Variants in RITA1 observed in about 807,000 individuals in gnomAD.
RITA1 encodes RBPJ interacting and tubulin associated 1, also known as RBPJ-interacting and tubulin-associated protein 1.
In RITA1, 15 loss-of-function variants were observed where a neutral mutation model predicts 8.7. That is an observed-to-expected ratio of 1.72 (90% confidence interval 1.15 to 2.65). The LOEUF is 2.65. Among genes scored for constraint, RITA1 ranks in the 30% most tolerant of loss-of-function variants. The probability of loss-of-function intolerance (pLI) is 0.00; values close to 1 mark genes in which losing one functional copy is unlikely to be tolerated. For missense variants in RITA1, 330 were observed against 363.8 expected (o/e 0.91, Z 0.76); for synonymous variants, 145 against 156.2 (o/e 0.93, Z 0.53).
chr12:113,188,654 T>C (rs1030033267), intron 3 of RITA1, among the ~76,000 whole-genome samples: 2 of 152,006 alleles, frequency 1.3e-5, no homozygotes, highest in Non-Finnish European at 2.9e-5. Context: ...CTCATTTTTT[T>C]TTAATCCTTC....
chr12:113,187,012 C>T lies in RITA1; in HGVS notation c.266C>T (p.Thr89Ile), dbSNP rs1398698044. ...GAGACCACCCCCTCAAGGGGCAGCA[C>T]CCCCACCCTCACACCAAGGAAGAAG... ...SCETTPSRGS[T>I]PTLTPRKKNK... Residue 89 changes from threonine to isoleucine, a missense_variant, in exon 3 of 4, where the codon ACC becomes ATC. Coordinates refer to ENST00000548278, the MANE Select transcript of RITA1 (RefSeq NM_032848.3). 11 of 1,607,514 alleles carry T rather than the reference C, an allele frequency of 6.8e-6. No homozygotes were observed. The East Asian group carries it at 8.9e-5, about 13-fold the overall frequency.
Position 113,185,995 on chromosome 12 carries a change from C to G in RITA1, c.-223C>G. On this transcript the variant is annotated 5_prime_UTR_variant, in exon 1 of 4. Transcript: ENST00000548278. ...GTGCGGGGACGGGTCCCTGAGGATCCCGATGCCTACGAGCCAAGATGCTCA... is the reference window on the plus strand; with the variant it reads ...GTGCGGGGACGGGTCCCTGAGGATCGCGATGCCTACGAGCCAAGATGCTCA... 1.3e-6 allele frequency: 2 copies of G among 1,535,882 alleles called. No individual in the cohort carries two copies. Among genetic ancestry groups the G allele is most frequent in the Non-Finnish European group, 1.7e-6 (2 of 1,146,730 alleles).
rs760372956 is a variant in RITA1, at chr12:113,188,787, C to CTTTTTTTTTTTTT, written c.302+1768_302+1780dup. Among the ~76,000 whole-genome samples, 13 of 73,206 alleles carry CTTTTTTTTTTTTT rather than the reference C, an allele frequency of 1.8e-4. 6 individuals carry two copies. The highest frequency in any genetic ancestry group is 3.4e-4 in the Non-Finnish European group (13 of 38,238). 48.0% of individuals were successfully genotyped at this position (73,206 alleles called of 152,430 possible). ...TATAATGTTATTTAGCCTTAGTTACCTTTTTTTTTTTTTTTTTTTTTTTTT... is the reference window on the plus strand; with the variant it reads ...TATAATGTTATTTAGCCTTAGTTACCTTTTTTTTTTTTTTTTTTTTTTTTTTTTTTTTTTTTTT... On this transcript the variant is annotated intron_variant, in intron 3 of 3. Coordinates refer to ENST00000548278, the MANE Select transcript of RITA1 (RefSeq NM_032848.3).
In RITA1 at chr12:113,191,852, C is replaced by T. The variant is rs16942608; in HGVS notation, c.*35C>T. 5,721 of 1,559,276 alleles carry T rather than the reference C, an allele frequency of 3.7e-3. 189 individuals are homozygous for T. The African/African-American group carries it at 0.07, about 19-fold the overall frequency. Reference sequence around the variant, plus strand: ...ATCAGGGTTGCCTATGGGGCCACGGCGACAGGTATGGCCCCTTGCCAGGGT... The same window carrying T: ...ATCAGGGTTGCCTATGGGGCCACGGTGACAGGTATGGCCCCTTGCCAGGGT... On this transcript the variant is annotated 3_prime_UTR_variant, in exon 4 of 4. Transcript: ENST00000548278. This position sits in a 1 kb window ranked among gnomAD's most constrained non-coding sequence, Gnocchi z 4.0.
chr12:113,191,526 G>A lies in RITA1; in HGVS notation c.519G>A (p.Glu173=), dbSNP rs1452563106. ...ACCCAGCTGGTCCCTCCAAGACAGAGCCGGGGCCAGCGGCAGACTCCCAGA... is the reference window on the plus strand; with the variant it reads ...ACCCAGCTGGTCCCTCCAAGACAGAACCGGGGCCAGCGGCAGACTCCCAGA... ...AIHPAGPSKT[E]PGPAADSQKL... Residue 173 remains glutamate, a synonymous_variant, in exon 4 of 4, where the codon GAG becomes GAA. Transcript: ENST00000548278. This position sits in a 1 kb window ranked among gnomAD's most constrained non-coding sequence, Gnocchi z 4.0. 4 of 1,612,434 alleles carry A rather than the reference G, an allele frequency of 2.5e-6. No individual in the cohort carries two copies. The highest frequency in any genetic ancestry group is 1.3e-5 in the African/African-American group (1 of 74,888).
chr12:113,192,034 A>G lies in RITA1; in HGVS notation c.*217A>G. Reference sequence around the variant, plus strand: ...GATTGCGGATTTGGGGGCCACCTCTAAGATGCCTCTCTCCAGCCCTGTCTC... The same window carrying G: ...GATTGCGGATTTGGGGGCCACCTCTGAGATGCCTCTCTCCAGCCCTGTCTC... On this transcript the variant is annotated 3_prime_UTR_variant, in exon 4 of 4. Transcript: ENST00000548278. The G allele has an allele frequency of 1.6e-6, 1 of 613,054 alleles. No homozygotes were observed. The highest frequency in any genetic ancestry group is 2.7e-6 in the Non-Finnish European group (1 of 365,824). The allele number at this position is 613,054 out of a possible 1,614,324, so 38.0% of individuals were successfully genotyped here.
intron 1 of RITA1, 29 bp downstream of exon 1, chr12:113,186,050 C>A: frequency 6.5e-7 from 1 of 1,536,006 alleles, no homozygotes; most frequent in Non-Finnish European, 8.7e-7. Context: ...AATGCAGGGA[C>A]CTCGGGCACT....
Position 113,191,269 on chromosome 12 carries a change from G to T in RITA1, c.303-41G>T. The T allele has an allele frequency of 6.7e-7, 1 of 1,492,736 alleles. No homozygotes were observed. The highest frequency in any genetic ancestry group is 8.9e-7 in the Non-Finnish European group (1 of 1,125,094). 92.5% of individuals were successfully genotyped at this position (1,492,736 alleles called of 1,614,324 possible). The stretch of plus-strand genomic sequence containing the variant: ...AGAGCTGTTAAAGTTTTGAGGGGTT[G>T]TTCATCCCCCAGCTCATGGCGTTTA... On this transcript the variant is annotated intron_variant, in intron 3 of 3. Coordinates refer to ENST00000548278, the MANE Select transcript of RITA1 (RefSeq NM_032848.3). This position sits in a 1 kb window ranked among gnomAD's most constrained non-coding sequence, Gnocchi z 4.0.
At position 113,185,898 on chromosome 12, in the gene RITA1, A is replaced by G; in HGVS notation, c.-320A>G. On this transcript the variant is annotated 5_prime_UTR_variant, in exon 1 of 4. Coordinates refer to ENST00000548278, the MANE Select transcript of RITA1 (RefSeq NM_032848.3). ...GGGCCCCAGGCATTCCGGGCTGCAG[A>G]TTGACGGGGATCCCGGATGCACCGC... 7.0e-7 allele frequency: 1 copy of G among 1,429,696 alleles called. No homozygotes were observed. The highest frequency in any genetic ancestry group is 1.3e-5 in the South Asian group (1 of 79,764). 88.6% of individuals were successfully genotyped at this position (1,429,696 alleles called of 1,614,324 possible).
At chr12:113,186,656 G>T (rs1952540041) in intron 2 of RITA1, 27 bp from the exon 3 acceptor site, 2 of 1,538,796 alleles carry the variant, frequency 1.3e-6, no homozygotes, top group Admixed American at 3.8e-5. Flanking sequence ...TGTGGCTCAG[G>T]GGTGCTACTC....
chr12:113,186,103 G>A (rs1952533287), intron 1 of RITA1, 82 bp downstream of exon 1: 3 of 1,525,556 alleles, frequency 2.0e-6, no homozygotes, highest in Non-Finnish European at 2.6e-6. Context: ...AATGTGGGGC[G>A]GTGGGGGCGG....
At chr12:113,187,979 C>G (rs1437437418) in intron 3 of RITA1, among the ~76,000 whole-genome samples, 3 of 152,112 alleles carry the variant, frequency 2.0e-5, no homozygotes, top group Non-Finnish European at 2.9e-5. Context: ...GACAAAGACA[C>G]AGAAGATTAG....
chr12:113,186,673 C>A lies in RITA1; in HGVS notation c.-64-10C>A. 6.3e-7 allele frequency: 1 copy of A among 1,577,848 alleles called. No homozygotes were observed. Reference sequence around the variant, plus strand: ...TGGCTCAGGGGTGCTACTCTGACCTCCTCTCACAGGGAGCCTCGGAAGCAG... The same window carrying A: ...TGGCTCAGGGGTGCTACTCTGACCTACTCTCACAGGGAGCCTCGGAAGCAG... On this transcript the variant is annotated splice_polypyrimidine_tract_variant and intron_variant, in intron 2 of 3. Transcript: ENST00000548278.
At chr12:113,190,908 TAA>T (rs1166148004) in intron 3 of RITA1, among the ~76,000 whole-genome samples, 1 of 152,112 alleles carries the variant, frequency 6.6e-6, no homozygotes, top group East Asian at 1.9e-4. Context: ...TAGCAAGAAG[TAA>T]AGTCAGGTGG....
chr12:113,186,205 C>CA lies in RITA1; in HGVS notation c.-175dup. The CA allele has an allele frequency of 1.5e-6, 2 of 1,322,814 alleles. No individual in the cohort carries two copies. The highest frequency in any genetic ancestry group is 1.0e-6 in the Non-Finnish European group (1 of 985,816). The allele number at this position is 1,322,814 out of a possible 1,614,324, so 81.9% of individuals were successfully genotyped here. A position where few individuals can be genotyped will look rare whatever the true frequency, so the allele number is the denominator to read the frequency against. ...TTTAGCTTTATAGGTGTGACCTACA[C>CA]ATGTGACTTCACCTCAGTTTTGTGA... On this transcript the variant is annotated 5_prime_UTR_variant, in exon 2 of 4. The change creates a new upstream start codon in the 5' untranslated region. Coordinates refer to ENST00000548278, the MANE Select transcript of RITA1 (RefSeq NM_032848.3).
chr12:113,188,197 T>A (rs930114702), intron 3 of RITA1, among the ~76,000 whole-genome samples: 1 of 149,572 alleles, frequency 6.7e-6, no homozygotes, highest in African/African-American at 2.5e-5. Flanking sequence ...TACAGGCACA[T>A]GCCACCATGC....
At chr12:113,189,174 G>A (rs893734568) in intron 3 of RITA1, among the ~76,000 whole-genome samples, 4 of 151,950 alleles carry the variant, frequency 2.6e-5, no homozygotes, top group African/African-American at 9.7e-5. Context: ...TGGGGTTAGG[G>A]CTTCAACATA....
rs1952596771 is a variant in RITA1 at position 113,191,227 on chromosome 12, A to T, written c.303-83A>T. ...CAGGCAACCCTCCTCTGCTGCTGCC[A>T]TCCCAGGGTGGGTGGGAGAGCTGTT... On this transcript the variant is annotated intron_variant, in intron 3 of 3. Transcript: ENST00000548278. The surrounding 1 kb of genome is among the most constrained non-coding windows in gnomAD (Gnocchi z 4.0). 1 of 1,467,732 alleles carries T rather than the reference A, an allele frequency of 6.8e-7. No homozygotes were observed. Among genetic ancestry groups the T allele is most frequent in the Admixed American group, 2.5e-5 (1 of 40,454 alleles). 90.9% of individuals were successfully genotyped at this position (1,467,732 alleles called of 1,614,324 possible).
In RITA1 at chr12:113,191,900, G is replaced by A. The variant is rs1014840785; in HGVS notation, c.*83G>A. The A allele has an allele frequency of 5.7e-5, 85 of 1,496,172 alleles. No homozygotes were observed. The highest frequency in any genetic ancestry group is 6.8e-5 in the Non-Finnish European group (76 of 1,117,558). 92.7% of individuals were successfully genotyped at this position (1,496,172 alleles called of 1,614,324 possible). A position where few individuals can be genotyped will look rare whatever the true frequency, so the allele number is the denominator to read the frequency against. The stretch of plus-strand genomic sequence containing the variant: ...GGTAGGAGGACATTCATCACCCAGG[G>A]AACCCCAGGTATTAAAGAAGCCCCT... On this transcript the variant is annotated 3_prime_UTR_variant, in exon 4 of 4. Transcript: ENST00000548278. The surrounding 1 kb of genome is among the most constrained non-coding windows in gnomAD (Gnocchi z 4.0).
Sources: gnomAD v4.1 joint callset for allele counts (sites outside exome capture counted in the v4.1 genomes callset) on GRCh38, gnomAD v4.1.1 for gene constraint, Gnocchi (gnomAD v3.1) non-coding constraint, MANE v1.5 for transcripts, NCBI Gene and HGNC (gene_info 2026-07-23, HGNC 2026-07-21) for gene names.